CACNB4: variants seen among roughly 807,000 people sequenced by gnomAD.
CACNB4 encodes the protein voltage-dependent L-type calcium channel subunit beta-4.
Under a neutral mutation model 71.2 loss-of-function variants are expected in CACNB4, and 32 were observed. The observed-to-expected ratio is 0.45, with a 90% CI of 0.34 to 0.60. The LOEUF (loss-of-function observed/expected upper bound fraction) is 0.60. CACNB4 is among the 20% of genes least tolerant of loss of function. The pLI, the probability that CACNB4 is intolerant of heterozygous loss-of-function variation, is 0.01. For missense variants in CACNB4, 464 were observed against 647.9 expected (o/e 0.72, Z 3.08); for synonymous variants, 231 against 236.9 (o/e 0.97, Z 0.23).
At chr2:151,872,650 T>C in intron 5 of CACNB4, 157 bp from the exon 6 acceptor site, 2 of 518,184 alleles carry the variant, frequency 3.9e-6, no homozygotes, top group Non-Finnish European at 6.7e-6. Flanking sequence ...AAATGTTTTC[T>C]TTGACCTCAT....
chr2:151,991,201 A>G (rs1192206905), intron 2 of CACNB4, among the ~76,000 whole-genome samples: 1 of 152,210 alleles, frequency 6.6e-6, no homozygotes, highest in Non-Finnish European at 1.5e-5. Flanking sequence ...ACTGGAGGTG[A>G]GCAGCTCATC....
chr2:152,098,474 GA>G lies in CACNB4; in HGVS notation c.64-62del. On this transcript the variant is annotated intron_variant, in intron 1 of 13. Transcript: ENST00000539935. The surrounding 1 kb of genome is among the most constrained non-coding windows in gnomAD (Gnocchi z 5.3). Reference sequence around the variant, plus strand: ...TGAGGACCGCAGCGCAGAGCGGGGCGACCACCCCCGGCTGGAGTCCGCCTCC... The same window carrying G: ...TGAGGACCGCAGCGCAGAGCGGGGCGCCACCCCCGGCTGGAGTCCGCCTCC... 1 of 1,480,856 alleles carries G rather than the reference GA, an allele frequency of 6.8e-7. No individual in the cohort carries two copies. Among genetic ancestry groups the G allele is most frequent in the Non-Finnish European group, 9.4e-7 (1 of 1,060,182 alleles). 91.7% of individuals were successfully genotyped at this position (1,480,856 alleles called of 1,614,324 possible). A position where few individuals can be genotyped will look rare whatever the true frequency, so the allele number is the denominator to read the frequency against.
chr2:152,000,226 T>G (rs1017460900), intron 2 of CACNB4, among the ~76,000 whole-genome samples: 3 of 152,190 alleles, frequency 2.0e-5, no homozygotes, highest in African/African-American at 7.2e-5. Flanking sequence ...CACCTACATG[T>G]CCAGACCTAT....
chr2:152,029,715 A>G (rs1684178265), intron 2 of CACNB4, among the ~76,000 whole-genome samples: 1 of 152,014 alleles, frequency 6.6e-6, no homozygotes, highest in South Asian at 2.1e-4. Context: ...GGAGGTGCTT[A>G]GGGCATGAGG....
intron 2 of CACNB4, among the ~76,000 whole-genome samples, chr2:151,990,913 G>A (rs746986375): frequency 1.3e-5 from 2 of 152,154 alleles, no homozygotes; most frequent in Non-Finnish European, 2.9e-5. Flanking sequence ...ATTTTAAAAT[G>A]TTGTCTTCTG....
At chr2:151,875,885 GGGC>G (rs2099846044) in intron 5 of CACNB4, among the ~76,000 whole-genome samples, 8 of 140,386 alleles carry the variant, frequency 5.7e-5, no homozygotes, top group Non-Finnish European at 1.1e-4. Context: ...GCGGCTGGCC[GGGC>G]AGAGGGGCTC....
chr2:152,063,708 A>G (rs1176819223), intron 2 of CACNB4, among the ~76,000 whole-genome samples: 4 of 152,244 alleles, frequency 2.6e-5, no homozygotes, highest in African/African-American at 4.8e-5. Flanking sequence ...CATAAGTAAT[A>G]TAAGTGAGTG....
At chr2:151,976,927 G>A (rs190690812) in intron 2 of CACNB4, among the ~76,000 whole-genome samples, 5 of 152,258 alleles carry the variant, frequency 3.3e-5, no homozygotes, top group African/African-American at 9.6e-5. Context: ...ACACTTCACT[G>A]CAGCAGGTAG....
chr2:151,912,625 G>A (rs2099856480), intron 2 of CACNB4, among the ~76,000 whole-genome samples: 1 of 152,232 alleles, frequency 6.6e-6, no homozygotes, highest in South Asian at 2.1e-4. Context: ...GTGGCACTGA[G>A]AAGAATATAT....
At chr2:151,909,996 C>T (rs1432139324) in intron 2 of CACNB4, among the ~76,000 whole-genome samples, 3 of 152,184 alleles carry the variant, frequency 2.0e-5, no homozygotes, top group Non-Finnish European at 2.9e-5. Flanking sequence ...TACATTCCCA[C>T]CAACAGTGTA....
chr2:152,099,089 G>C (rs1688451771), upstream of CACNB4: 3 of 944,340 alleles, frequency 3.2e-6, no homozygotes, highest in Admixed American at 3.5e-5. Context: ...TGCGGACGGA[G>C]GGGGAGGGCG....
chr2:151,922,958 T>C (rs1047864217), intron 2 of CACNB4, among the ~76,000 whole-genome samples: 6 of 152,216 alleles, frequency 3.9e-5, no homozygotes, highest in African/African-American at 1.4e-4. Flanking sequence ...TGTGAGTCTA[T>C]GAGGATTGCC....
chr2:151,913,038 CTTTTA>C (rs1269950813), intron 2 of CACNB4, among the ~76,000 whole-genome samples: 5 of 151,908 alleles, frequency 3.3e-5, no homozygotes, highest in Non-Finnish European at 5.9e-5. Context: ...TTTCTCCATC[CTTTTA>C]TTTTGAGCTT....
chr2:151,867,865 T>G (rs940618974), intron 9 of CACNB4: 2 of 152,152 alleles, frequency 1.3e-5, no homozygotes, highest in African/African-American at 4.8e-5. Flanking sequence ...CTCCCCCAAC[T>G]CTATCCTCCC....
chr2:151,915,204 TCAC>T (rs2099857152), intron 2 of CACNB4, among the ~76,000 whole-genome samples: 2 of 152,146 alleles, frequency 1.3e-5, no homozygotes, highest in African/African-American at 4.8e-5. Context: ...CAGGGAAGCC[TCAC>T]CCAATGAGTA....
chr2:151,932,612 T>C (rs960779508), intron 2 of CACNB4, among the ~76,000 whole-genome samples: 4 of 152,048 alleles, frequency 2.6e-5, no homozygotes, highest in African/African-American at 9.6e-5. Flanking sequence ...TAAACCAGTA[T>C]TGGTGTCTAT....
rs2099834642 is a variant in CACNB4 at position 151,835,198 on chromosome 2, G to C, written c.*3921C>G. On this transcript the variant is annotated 3_prime_UTR_variant, in exon 14 of 14. Coordinates refer to ENST00000539935, the MANE Select transcript of CACNB4 (RefSeq NM_000726.5). ...AGTTGCACACAAAGGCAATTCCCTT[G>C]CAGTTTGTTTTGTTCCCTATGATGA... The C allele has an allele frequency of 6.6e-6, 1 of 151,860 alleles. No homozygotes were observed. Among genetic ancestry groups the C allele is most frequent in the East Asian group, 1.9e-4 (1 of 5,200 alleles). The allele number at this position is 151,860 out of a possible 1,614,324, so 9.4% of individuals were successfully genotyped here. A position where few individuals can be genotyped will look rare whatever the true frequency, so the allele number is the denominator to read the frequency against.
chr2:152,040,604 G>T (rs1684823526), intron 2 of CACNB4, among the ~76,000 whole-genome samples: 1 of 152,100 alleles, frequency 6.6e-6, no homozygotes, highest in Non-Finnish European at 1.5e-5. Flanking sequence ...ACCATGCCCA[G>T]CTAATTTTTG....
chr2:152,018,806 AACACAC>A (rs10600477), intron 2 of CACNB4, among the ~76,000 whole-genome samples: 3,261 of 146,234 alleles, frequency 0.022, 114 homozygotes, highest in African/African-American at 0.077. Flanking sequence ...CCTGTCTCAA[AACACAC>A]ACACACACAC....
Sources: allele counts gnomAD v4.1 joint callset (sites outside exome capture counted in the v4.1 genomes callset), GRCh38; gene constraint gnomAD v4.1.1; non-coding constraint Gnocchi (gnomAD v3.1); transcripts MANE v1.5; gene names NCBI Gene and HGNC (gene_info 2026-07-23, HGNC 2026-07-21).